The following MYT1L variants were observed in gnomAD, a reference collection of about 807,000 sequenced individuals.
The protein encoded by MYT1L is myelin transcription factor 1-like protein.
Under a neutral mutation model 126.7 loss-of-function variants are expected in MYT1L, and 12 were observed. The ratio of observed to expected loss-of-function variants is 0.09; its 90% CI spans 0.06 to 0.15. MYT1L has a LOEUF of 0.15. MYT1L is among the 10% of genes least tolerant of loss of function. MYT1L has a pLI of 1.00. For missense variants in MYT1L, 979 were observed against 1,585.2 expected (o/e 0.62, Z 6.49); for synonymous variants, 541 against 604.2 (o/e 0.90, Z 1.53).
rs148009982 is a variant in MYT1L, at chr2:1,942,998, TTCCTCC to T, written c.483_488del (p.Glu166_Glu167del). 24,109 of 1,529,794 alleles carry T rather than the reference TTCCTCC, an allele frequency of 0.016. 221 individuals carry two copies. Among genetic ancestry groups the T allele is most frequent in the Middle Eastern group, 0.035 (205 of 5,902 alleles). The allele number at this position is 1,529,794 out of a possible 1,614,324, so 94.8% of individuals were successfully genotyped here. On this transcript the variant is annotated inframe_deletion, in exon 9 of 25. Coordinates refer to ENST00000647738, the MANE Select transcript of MYT1L (RefSeq NM_001303052.2). ...AAAGATTACCGTTTTCTTCTTCCTC[TTCCTCC>T]TCCTCCTCCTCCTCCTCTTCCTCTT... is the stretch of plus-strand genomic sequence containing the variant.
chr2:1,989,630 A>G (rs2061323488), intron 5 of MYT1L, among the ~76,000 whole-genome samples: 1 of 152,196 alleles, frequency 6.6e-6, no homozygotes, highest in South Asian at 2.1e-4. Context: ...AAAATGAGTA[A>G]AATAAAGGGA....
At chr2:1,815,399 T>C (rs1248077009) in intron 21 of MYT1L, among the ~76,000 whole-genome samples, 1 of 152,188 alleles carries the variant, frequency 6.6e-6, no homozygotes, top group Admixed American at 6.5e-5. Flanking sequence ...ATTTGCTTCT[T>C]CAGTGGCTCT....
intron 1 of MYT1L, among the ~76,000 whole-genome samples, chr2:2,302,397 T>C (rs1376671729): frequency 6.6e-6 from 1 of 152,230 alleles, no homozygotes; most frequent in Non-Finnish European, 1.5e-5. Flanking sequence ...TGTTCTTTTA[T>C]GTGAGTTTGT....
intron 21 of MYT1L, among the ~76,000 whole-genome samples, chr2:1,817,708 G>A (rs925297434): frequency 6.6e-6 from 1 of 152,188 alleles, no homozygotes; most frequent in African/African-American, 2.4e-5. Flanking sequence ...GCGGTGGCCT[G>A]GGGGCGGTGC....
At chr2:1,914,546 C>T (rs1272931489) in intron 11 of MYT1L, among the ~76,000 whole-genome samples, 1 of 152,122 alleles carries the variant, frequency 6.6e-6, no homozygotes, top group Admixed American at 6.5e-5. Flanking sequence ...ACCTCTGCAC[C>T]TGACCTCCCC....
intron 3 of MYT1L, among the ~76,000 whole-genome samples, chr2:2,094,897 T>G (rs774151713): frequency 6.6e-6 from 1 of 152,178 alleles, no homozygotes; most frequent in Non-Finnish European, 1.5e-5. Context: ...GTTGTGCACA[T>G]GTACCCTAGA....
chr2:2,318,322 A>G (rs1478560354), intron 1 of MYT1L, among the ~76,000 whole-genome samples: 2 of 152,160 alleles, frequency 1.3e-5, no homozygotes, highest in African/African-American at 4.8e-5. Flanking sequence ...TAAAAATGAG[A>G]TGTTACCTGT....
chr2:2,239,496 T>C (rs1180807478), intron 2 of MYT1L, among the ~76,000 whole-genome samples: 1 of 152,226 alleles, frequency 6.6e-6, no homozygotes, highest in Non-Finnish European at 1.5e-5. Flanking sequence ...AAGCAGTTAC[T>C]GGTTACTTAT....
At chr2:1,807,530 C>T (rs2035905983) in intron 22 of MYT1L, among the ~76,000 whole-genome samples, 2 of 152,138 alleles carry the variant, frequency 1.3e-5, no homozygotes, top group South Asian at 4.1e-4. Context: ...GCCTTCAGCC[C>T]AGGGCATCCG....
chr2:1,889,572 G>A lies in MYT1L; in HGVS notation c.2284-95C>T. 1 of 1,025,818 alleles carries A rather than the reference G, an allele frequency of 9.7e-7. No homozygotes were observed. The highest frequency in any genetic ancestry group is 1.6e-5 in the South Asian group (1 of 60,702). The allele number at this position is 1,025,818 out of a possible 1,614,324, so 63.5% of individuals were successfully genotyped here. ...GATTACAGTCCTGCCGTCAGCCAGT[G>A]TAGCGTTCAACACAGAATCCCTCGC... On this transcript the variant is annotated intron_variant, in intron 15 of 24. Coordinates refer to ENST00000647738, the MANE Select transcript of MYT1L (RefSeq NM_001303052.2). The surrounding 1 kb of genome is among the most constrained non-coding windows in gnomAD (Gnocchi z 4.1).
At chr2:2,218,119 G>A (rs1559368561) in intron 2 of MYT1L, among the ~76,000 whole-genome samples, 1 of 152,174 alleles carries the variant, frequency 6.6e-6, no homozygotes, top group Non-Finnish European at 1.5e-5. Context: ...TACTGCAGGT[G>A]GGAATGTAAA....
At chr2:1,914,709 C>T (rs776438293) in intron 11 of MYT1L, among the ~76,000 whole-genome samples, 6 of 152,090 alleles carry the variant, frequency 3.9e-5, no homozygotes, top group African/African-American at 9.7e-5. Context: ...TTAAGTTCAC[C>T]GAGGCTATAA....
chr2:2,173,232 G>A (rs971797070), intron 2 of MYT1L, among the ~76,000 whole-genome samples: 1 of 152,190 alleles, frequency 6.6e-6, no homozygotes, highest in African/African-American at 2.4e-5. Flanking sequence ...ATATTGAGGA[G>A]TTTTAAATAC....
At chr2:1,982,322 T>A (rs10187245) in intron 5 of MYT1L, among the ~76,000 whole-genome samples, 65,223 of 152,040 alleles carry the variant, frequency 0.43, 16,535 homozygotes, top group African/African-American at 0.72. Context: ...TTGTCACAGG[T>A]CTGGGGATGC....
At chr2:2,183,437 T>C (rs2091758619) in intron 2 of MYT1L, among the ~76,000 whole-genome samples, 1 of 152,278 alleles carries the variant, frequency 6.6e-6, no homozygotes, top group African/African-American at 2.4e-5. Flanking sequence ...CAAGCCATCC[T>C]GTTTCCTAAA....
At chr2:2,062,131 G>T (rs2070607706) in intron 3 of MYT1L, among the ~76,000 whole-genome samples, 1 of 152,222 alleles carries the variant, frequency 6.6e-6, no homozygotes, top group Non-Finnish European at 1.5e-5. Context: ...CCCCCAGCAT[G>T]GTTGTACTGG....
At chr2:2,322,550 G>A (rs377545904) in intron 1 of MYT1L, among the ~76,000 whole-genome samples, 6 of 151,770 alleles carry the variant, frequency 4.0e-5, no homozygotes, top group South Asian at 4.2e-4. Context: ...AGTGGCACGC[G>A]GGGCTCCGTG....
chr2:2,298,972 C>T (rs1284632556), intron 1 of MYT1L, among the ~76,000 whole-genome samples: 1 of 152,202 alleles, frequency 6.6e-6, no homozygotes, highest in African/African-American at 2.4e-5. Flanking sequence ...CCTGCCTCAG[C>T]TTCCCAAGTA....
chr2:2,175,900 G>T (rs998288732), intron 2 of MYT1L, among the ~76,000 whole-genome samples: 5 of 152,224 alleles, frequency 3.3e-5, no homozygotes, highest in African/African-American at 7.2e-5. Context: ...ACTAACAGCC[G>T]TAGGAGCTCC....
Sources: gnomAD v4.1 joint callset for allele counts (sites outside exome capture counted in the v4.1 genomes callset) on GRCh38, gnomAD v4.1.1 for gene constraint, Gnocchi (gnomAD v3.1) non-coding constraint, MANE v1.5 for transcripts, NCBI Gene and HGNC (gene_info 2026-07-23, HGNC 2026-07-21) for gene names.